SH3GL2: variants seen among roughly 807,000 people sequenced by gnomAD.
The protein encoded by SH3GL2 is SH3 domain containing GRB2 like 2, endophilin A1.
In SH3GL2, 24 loss-of-function variants were observed where a neutral mutation model predicts 46.0. That is an observed-to-expected ratio of 0.52 (90% CI 0.38 to 0.73). SH3GL2 has a LOEUF of 0.73. Ranked by LOEUF, SH3GL2 falls within the 30% of genes least tolerant of loss-of-function variation. The pLI is 0.00. For synonymous variants in SH3GL2, 196 were observed against 147.1 expected, an observed-to-expected ratio of 1.33 and a Z score of -2.40; for missense variants, 413 against 424.2, an observed-to-expected ratio of 0.97 and a Z score of 0.23.
chr9:17,595,447 A>G (rs1284631738), intron 1 of SH3GL2, among the ~76,000 whole-genome samples: 2 of 152,240 alleles, frequency 1.3e-5, no homozygotes, highest in Non-Finnish European at 2.9e-5. Flanking sequence ...TGGGTTAGCA[A>G]GAGTATAAGA....
At chr9:17,624,237 G>A (rs1232046773) in intron 1 of SH3GL2, among the ~76,000 whole-genome samples, 1 of 152,172 alleles carries the variant, frequency 6.6e-6, no homozygotes, top group Non-Finnish European at 1.5e-5. Context: ...CATCGGTGGC[G>A]ATGATTTTTA....
chr9:17,662,902 G>C (rs1588215076), intron 1 of SH3GL2, among the ~76,000 whole-genome samples: 1 of 152,034 alleles, frequency 6.6e-6, no homozygotes, highest in Admixed American at 6.6e-5. Context: ...GTAGAGACAG[G>C]GTTTTGCCAT....
intron 1 of SH3GL2, among the ~76,000 whole-genome samples, chr9:17,717,452 C>G (rs1234855892): frequency 2.0e-5 from 3 of 151,772 alleles, no homozygotes; most frequent in Non-Finnish European, 4.4e-5. Flanking sequence ...CTCTTCCTTC[C>G]CAAGTCATCT....
chr9:17,650,520 T>C (rs1038359114), intron 1 of SH3GL2, among the ~76,000 whole-genome samples: 4 of 151,934 alleles, frequency 2.6e-5, no homozygotes, highest in African/African-American at 9.7e-5. Context: ...TACAGGCGTG[T>C]GCCACCACGC....
chr9:17,795,484 G>A (rs1168635821), intron 8 of SH3GL2, 60 bp from the exon 9 acceptor site: 14 of 1,380,586 alleles, frequency 1.0e-5, no homozygotes, highest in Non-Finnish European at 1.0e-6. Context: ...AGCAGATTCT[G>A]TGAGTTAAAT....
intron 1 of SH3GL2, among the ~76,000 whole-genome samples, chr9:17,628,808 A>G (rs946384544): frequency 1.3e-5 from 2 of 152,136 alleles, no homozygotes; most frequent in African/African-American, 2.4e-5. Context: ...TTCAGTGTGA[A>G]GCAAGACTTT....
chr9:17,626,427 C>T (rs116657024), intron 1 of SH3GL2, among the ~76,000 whole-genome samples: 3 of 152,192 alleles, frequency 2.0e-5, no homozygotes, highest in Admixed American at 6.5e-5. Context: ...CATTAAGGTC[C>T]TAGTTGGACT....
At chr9:17,689,709 T>C (rs1006651484) in intron 1 of SH3GL2, among the ~76,000 whole-genome samples, 9 of 152,216 alleles carry the variant, frequency 5.9e-5, no homozygotes, top group Middle Eastern at 3.4e-3. Context: ...TTCATGTATA[T>C]CGTTTATTTC....
At chr9:17,673,085 A>T (rs1025479264) in intron 1 of SH3GL2, among the ~76,000 whole-genome samples, 3 of 151,948 alleles carry the variant, frequency 2.0e-5, no homozygotes, top group African/African-American at 7.3e-5. Flanking sequence ...TTCTGCTTCA[A>T]TAGTCCTCCC....
intron 1 of SH3GL2, among the ~76,000 whole-genome samples, chr9:17,742,789 T>G (rs1331107302): frequency 6.6e-6 from 1 of 152,228 alleles, no homozygotes; most frequent in African/African-American, 2.4e-5. Context: ...CATTAAAGGT[T>G]TTGAACCATC....
intron 1 of SH3GL2, among the ~76,000 whole-genome samples, chr9:17,644,490 C>G (rs117360241): frequency 6.6e-6 from 1 of 152,120 alleles, no homozygotes; most frequent in African/African-American, 2.4e-5. Flanking sequence ...CCTGTAAACA[C>G]GCTTTGGCTG....
chr9:17,632,387 A>ATTTTGAT (rs1161938494), intron 1 of SH3GL2, among the ~76,000 whole-genome samples: 2 of 152,070 alleles, frequency 1.3e-5, no homozygotes, highest in African/African-American at 2.4e-5. Flanking sequence ...TACAGTAATT[A>ATTTTGAT]TTTTGATTTT....
intron 1 of SH3GL2, among the ~76,000 whole-genome samples, chr9:17,707,041 C>G (rs1363758633): frequency 6.6e-6 from 1 of 151,926 alleles, no homozygotes; most frequent in Admixed American, 6.6e-5. Flanking sequence ...AGTGGTCAGC[C>G]AATCCTTGCT....
At chr9:17,789,345 T>A (rs374314373) in intron 5 of SH3GL2, 47 bp from the exon 6 acceptor site, 7 of 1,551,300 alleles carry the variant, frequency 4.5e-6, no homozygotes, top group Non-Finnish European at 6.2e-6. Flanking sequence ...AAATAAGCCT[T>A]TTCCATAAGC....
At chr9:17,749,523 G>T (rs1188696789) in intron 2 of SH3GL2, among the ~76,000 whole-genome samples, 1 of 152,140 alleles carries the variant, frequency 6.6e-6, no homozygotes, top group Non-Finnish European at 1.5e-5. Context: ...GATTAGGCAG[G>T]TATTTAGGAA....
chr9:17,710,749 AC>A (rs1221528519), intron 1 of SH3GL2, among the ~76,000 whole-genome samples: 2 of 151,956 alleles, frequency 1.3e-5, no homozygotes, highest in Non-Finnish European at 2.9e-5. Context: ...ATAGGGATAA[AC>A]CTTATAGACA....
At chr9:17,643,371 T>C (rs1819731871) in intron 1 of SH3GL2, among the ~76,000 whole-genome samples, 1 of 152,004 alleles carries the variant, frequency 6.6e-6, no homozygotes, top group African/African-American at 2.4e-5. Flanking sequence ...TTTGAATACC[T>C]TTATTTCTTT....
chr9:17,780,316 G>T (rs1442620121), intron 3 of SH3GL2, among the ~76,000 whole-genome samples: 1 of 151,944 alleles, frequency 6.6e-6, no homozygotes, highest in South Asian at 2.1e-4. Context: ...TTTTGATCTG[G>T]CTTATTTTGT....
chr9:17,671,794 G>A (rs922052323), intron 1 of SH3GL2, among the ~76,000 whole-genome samples: 1 of 152,072 alleles, frequency 6.6e-6, no homozygotes, highest in East Asian at 1.9e-4. Context: ...TTAATAAATG[G>A]CCTTTATAAC....
Sources: allele counts gnomAD v4.1 joint callset (sites outside exome capture counted in the v4.1 genomes callset), GRCh38; gene constraint gnomAD v4.1.1; transcripts MANE v1.5; gene names NCBI Gene and HGNC (gene_info 2026-07-23, HGNC 2026-07-21).